The following DDA1 variants were observed in gnomAD, a reference collection of about 807,000 sequenced individuals.
DDA1 encodes DET1 and DDB1 associated 1.
A neutral mutation model predicts 18.6 loss-of-function variants in DDA1; 3 were observed. The observed-to-expected ratio is 0.16, with a 90% CI of 0.07 to 0.42. The LOEUF is 0.42. Ranked by LOEUF, DDA1 falls within the 10% of genes least tolerant of loss-of-function variation. The pLI, the probability that DDA1 is intolerant of heterozygous loss-of-function variation, is 0.99. For missense variants in DDA1, 105 were observed against 138.2 expected, an observed-to-expected ratio of 0.76 and a Z score of 1.20; for synonymous variants, 52 against 54.0, an observed-to-expected ratio of 0.96 and a Z score of 0.17.
At chr19:17,315,429 C>CAT (rs56662339) in intron 3 of DDA1, among the ~76,000 whole-genome samples, 4,236 of 51,974 alleles carry the variant, frequency 0.082, 331 homozygotes, top group East Asian at 0.26. Context: ...TGTGTGTGTG[C>CAT]ATATATATAT....
chr19:17,313,584 A>C (rs566335559), intron 1 of DDA1, among the ~76,000 whole-genome samples: 1 of 151,882 alleles, frequency 6.6e-6, no homozygotes, highest in Non-Finnish European at 1.5e-5. Context: ...CTGGGATCAT[A>C]GGCGCGCACC....
In DDA1 at chr19:17,321,539, G is replaced by A. The variant is rs1490237058; in HGVS notation, c.*1883G>A. The A allele has an allele frequency of 6.5e-6, 1 of 152,786 alleles. No individual in the cohort carries two copies. Among genetic ancestry groups the A allele is most frequent in the East Asian group, 1.9e-4 (1 of 5,196 alleles). The allele number at this position is 152,786 out of a possible 1,614,324, so 9.5% of individuals were successfully genotyped here. On this transcript the variant is annotated 3_prime_UTR_variant, in exon 5 of 5. Transcript: ENST00000359866. ...AGCCTCCCAAAGTGCTGGGGTTACA[G>A]ACGTGAACCACCGTGCCTGGCAGAG...
intron 4 of DDA1, among the ~76,000 whole-genome samples, chr19:17,319,329 AC>A (rs2145678475): frequency 6.6e-6 from 1 of 152,108 alleles, no homozygotes; most frequent in East Asian, 1.9e-4. Context: ...TGGCATTATG[AC>A]TCTGGGAGCT....
intron 1 of DDA1, among the ~76,000 whole-genome samples, chr19:17,311,259 G>C (rs1412195184): frequency 2.0e-5 from 3 of 151,660 alleles, no homozygotes; most frequent in Non-Finnish European, 2.9e-5. Context: ...TCCGCCTCCT[G>C]GGTTCAAGCC....
intron 4 of DDA1, among the ~76,000 whole-genome samples, chr19:17,317,832 C>CT: frequency 7.9e-6 from 1 of 127,364 alleles, no homozygotes; most frequent in East Asian, 1.9e-4. Context: ...GAACCAGACT[C>CT]TGTCTCTAGA....
At chr19:17,316,091 G>C (rs2074211599) in intron 4 of DDA1, 96 bp downstream of exon 4, 4 of 1,415,470 alleles carry the variant, frequency 2.8e-6, no homozygotes, top group Non-Finnish European at 4.0e-6. Context: ...CTAGTGATTG[G>C]AGCAGGGCCT....
At position 17,314,243 on chromosome 19, in the gene DDA1, C is replaced by T; in HGVS notation, c.85-95C>T. On this transcript the variant is annotated intron_variant, in intron 2 of 4. Coordinates refer to ENST00000359866, the MANE Select transcript of DDA1 (RefSeq NM_024050.6). The surrounding 1 kb of genome is among the most constrained non-coding windows in gnomAD (Gnocchi z 4.6). Reference sequence around the variant, plus strand: ...CCCCATCCACATACTTGAGTGTCTTCCAATCTGCACTGAAGGGTGGGTGCT... The same window carrying T: ...CCCCATCCACATACTTGAGTGTCTTTCAATCTGCACTGAAGGGTGGGTGCT... 6.4e-7 allele frequency: 1 copy of T among 1,570,770 alleles called. No individual in the cohort carries two copies. The highest frequency in any genetic ancestry group is 1.3e-5 in the African/African-American group (1 of 74,148).
At chr19:17,309,765 C>T (rs2074169834) in intron 1 of DDA1, 108 bp downstream of exon 1, 3 of 1,412,720 alleles carry the variant, frequency 2.1e-6, no homozygotes, top group South Asian at 2.8e-5. Flanking sequence ...TGCCCGGTCC[C>T]CTCAGGTCCG....
rs771953276 is a variant in DDA1 at position 17,319,699 on chromosome 19, G to C, written c.*43G>C. 3.3e-6 allele frequency: 5 copies of C among 1,529,472 alleles called. No homozygotes were observed. The highest frequency in any genetic ancestry group is 4.0e-5 in the Admixed American group (2 of 50,416). 94.7% of individuals were successfully genotyped at this position (1,529,472 alleles called of 1,614,324 possible). On this transcript the variant is annotated 3_prime_UTR_variant, in exon 5 of 5. Coordinates refer to ENST00000359866, the MANE Select transcript of DDA1 (RefSeq NM_024050.6). ...GCGCCTCCTGCCAGGTCTGCTCCTC[G>C]GTCGCCCACCCGCCTGCCCGCCATG...
At chr19:17,310,548 C>T (rs577178404) in intron 1 of DDA1, among the ~76,000 whole-genome samples, 1 of 152,298 alleles carries the variant, frequency 6.6e-6, no homozygotes, top group East Asian at 1.9e-4. Context: ...TAGTTGGCAT[C>T]CTGAGGGCTG....
Position 17,315,136 on chromosome 19 carries a change from TATATATACACACAC to T in DDA1, c.136+748_136+761del, listed in dbSNP as rs1489665717. On this transcript the variant is annotated intron_variant, in intron 3 of 4. Coordinates refer to ENST00000359866, the MANE Select transcript of DDA1 (RefSeq NM_024050.6). Reference sequence around the variant, plus strand: ...ATACACACACGTATATATACACACATATATATACACACACGTATATATACACACGTGTATATACA... The same window carrying T: ...ATACACACACGTATATATACACACATGTATATATACACACGTGTATATACA... 1.8e-4 allele frequency among the ~76,000 whole-genome samples: 15 copies of T among 81,740 alleles called. 1 individual carries two copies. The highest frequency in any genetic ancestry group is 2.4e-4 in the Non-Finnish European group (11 of 45,586). The allele number at this position is 81,740 out of a possible 152,430, so 53.6% of individuals were successfully genotyped here.
rs2074191721 is a variant in DDA1 at position 17,314,161 on chromosome 19, A to G, written c.84+58A>G. Reference sequence around the variant, plus strand: ...GGTCACTTCCAGGGGGCCTGGGGGCAGCTTGTGTCCCCCGATTGGGGTCTT... The same window carrying G: ...GGTCACTTCCAGGGGGCCTGGGGGCGGCTTGTGTCCCCCGATTGGGGTCTT... On this transcript the variant is annotated intron_variant, in intron 2 of 4. Coordinates refer to ENST00000359866, the MANE Select transcript of DDA1 (RefSeq NM_024050.6). The surrounding 1 kb of genome is among the most constrained non-coding windows in gnomAD (Gnocchi z 4.6). 1.3e-6 allele frequency: 2 copies of G among 1,589,460 alleles called. No individual in the cohort carries two copies. Among genetic ancestry groups the G allele is most frequent in the Non-Finnish European group, 1.7e-6 (2 of 1,158,514 alleles).
chr19:17,318,452 AACTCCCG>A (rs1054297998), intron 4 of DDA1, among the ~76,000 whole-genome samples: 2 of 151,586 alleles, frequency 1.3e-5, no homozygotes, highest in African/African-American at 4.8e-5. Flanking sequence ...ACTTGTCTTG[AACTCCCG>A]ACCTCAGGTG....
Position 17,315,598 on chromosome 19 carries a change from A to C in DDA1, c.137-336A>C, listed in dbSNP as rs59778048. 8.7e-3 allele frequency among the ~76,000 whole-genome samples: 1,326 copies of C among 151,834 alleles called. 17 individuals carry two copies. The highest frequency in any genetic ancestry group is 0.03 in the African/African-American group (1,252 of 41,346). On this transcript the variant is annotated intron_variant, in intron 3 of 4. Transcript: ENST00000359866. ...GCTCTTAAAGCATTTATCCATCTGG[A>C]GCCTGTGGGGTGGGACTGTGTGGTC... is the stretch of plus-strand genomic sequence containing the variant.
chr19:17,316,978 G>A (rs914363374), intron 4 of DDA1, among the ~76,000 whole-genome samples: 6 of 152,190 alleles, frequency 3.9e-5, no homozygotes, highest in Non-Finnish European at 8.8e-5. Context: ...TGTAATCCCC[G>A]CGCTTTGGGA....
intron 3 of DDA1, among the ~76,000 whole-genome samples, chr19:17,315,372 T>C (rs8102552): frequency 3.6e-5 from 3 of 83,264 alleles, no homozygotes; most frequent in African/African-American, 8.4e-5. Context: ...GCTATATATA[T>C]ACACACGTAT....
intron 4 of DDA1, 41 bp from the exon 5 acceptor site, chr19:17,319,505 A>G: frequency 6.6e-7 from 1 of 1,523,482 alleles, no homozygotes; most frequent in South Asian, 1.2e-5. Context: ...GGCTGTCCGA[A>G]AAAAAAGACT....
In DDA1 at chr19:17,321,064, C is replaced by G. The variant is rs1460927427; in HGVS notation, c.*1408C>G. The G allele has an allele frequency of 2.0e-5, 3 of 152,230 alleles. No individual in the cohort carries two copies. Among genetic ancestry groups the G allele is most frequent in the South Asian group, 2.1e-4 (1 of 4,832 alleles). 9.4% of individuals were successfully genotyped at this position (152,230 alleles called of 1,614,324 possible). A position where few individuals can be genotyped will look rare whatever the true frequency, so the allele number is the denominator to read the frequency against. On this transcript the variant is annotated 3_prime_UTR_variant, in exon 5 of 5. Transcript: ENST00000359866. ...AATCACAGCTCACTGCAGCCTCGAC[C>G]TCAAGCCTTCCTCCCACCTCAGCCT...
chr19:17,319,503 G>A (rs889313455), intron 4 of DDA1, 43 bp from the exon 5 acceptor site: 21 of 1,517,786 alleles, frequency 1.4e-5, no homozygotes, highest in African/African-American at 9.9e-5. Flanking sequence ...GAGGCTGTCC[G>A]AAAAAAAAGA....
Sources: gnomAD v4.1 joint callset for allele counts (sites outside exome capture counted in the v4.1 genomes callset) on GRCh38, gnomAD v4.1.1 for gene constraint, Gnocchi (gnomAD v3.1) non-coding constraint, MANE v1.5 for transcripts, NCBI Gene and HGNC (gene_info 2026-07-23, HGNC 2026-07-21) for gene names.